STK3: variants seen among roughly 807,000 people sequenced by gnomAD.
STK3 encodes the protein serine/threonine-protein kinase 3.
A neutral mutation model predicts 58.0 loss-of-function variants in STK3; 41 were observed. The ratio of observed to expected loss-of-function variants is 0.71; its 90% CI spans 0.55 to 0.92. STK3 has a LOEUF of 0.92. STK3 is among the 40% of genes least tolerant of loss of function. The pLI is 0.00. For missense variants in STK3, 479 were observed against 602.7 expected (o/e 0.79, Z 2.15); for synonymous variants, 170 against 191.0 (o/e 0.89, Z 0.91).
intron 4 of STK3, among the ~76,000 whole-genome samples, chr8:98,748,878 T>C (rs1297905596): frequency 6.6e-6 from 1 of 151,878 alleles, no homozygotes; most frequent in South Asian, 2.1e-4. Flanking sequence ...TCTTCAAATA[T>C]TCCAGCCATA....
At chr8:98,571,202 C>G (rs543729463) in intron 8 of STK3, among the ~76,000 whole-genome samples, 2 of 152,082 alleles carry the variant, frequency 1.3e-5, no homozygotes, top group African/African-American at 4.8e-5. Context: ...TGGTGGCACA[C>G]GCCTGTAACC....
At chr8:98,743,608 G>A (rs1297945578) in intron 4 of STK3, among the ~76,000 whole-genome samples, 17 of 152,088 alleles carry the variant, frequency 1.1e-4, no homozygotes, top group African/African-American at 3.6e-4. Flanking sequence ...AGACTTAAAC[G>A]TTAGACCTAA....
intron 1 of STK3, chr8:98,437,388 C>T (rs1276440047): frequency 1.3e-5 from 2 of 152,254 alleles, no homozygotes; most frequent in Non-Finnish European, 2.9e-5. Flanking sequence ...GAGCCTGTGC[C>T]CTAGACTATT....
chr8:98,445,421 AATAAT>A (rs544177160), intron 1 of STK3, among the ~76,000 whole-genome samples: 1 of 152,196 alleles, frequency 6.6e-6, no homozygotes, highest in Non-Finnish European at 1.5e-5. Flanking sequence ...AATTAATTTT[AATAAT>A]ATATTTCCAC....
chr8:98,752,907 A>G (rs1396080176), intron 3 of STK3, among the ~76,000 whole-genome samples: 3 of 151,868 alleles, frequency 2.0e-5, no homozygotes, highest in Admixed American at 6.6e-5. Flanking sequence ...ACAATGAGAT[A>G]CCATGTTACA....
At chr8:98,839,990 T>C (rs1219529113) in intron 3 of STK3, among the ~76,000 whole-genome samples, 1 of 152,138 alleles carries the variant, frequency 6.6e-6, no homozygotes, top group Non-Finnish European at 1.5e-5. Flanking sequence ...GAGAAGGGTC[T>C]GAACACCACA....
intron 6 of STK3, among the ~76,000 whole-genome samples, chr8:98,658,505 C>T (rs1173142798): frequency 6.6e-6 from 1 of 151,984 alleles, no homozygotes; most frequent in Non-Finnish European, 1.5e-5. Flanking sequence ...AGTTAAGAAC[C>T]TTACTCCCTT....
At chr8:98,562,861 T>G (rs1330755219) in intron 8 of STK3, among the ~76,000 whole-genome samples, 1 of 150,504 alleles carries the variant, frequency 6.6e-6, no homozygotes, top group Non-Finnish European at 1.5e-5. Flanking sequence ...GTGAGCTATG[T>G]TTGTGCCACT....
chr8:98,654,001 G>T (rs1372455941), intron 6 of STK3, among the ~76,000 whole-genome samples: 2 of 152,164 alleles, frequency 1.3e-5, no homozygotes, highest in East Asian at 3.8e-4. Context: ...GCATCATCCT[G>T]ATACCAAAGC....
intron 1 of STK3, among the ~76,000 whole-genome samples, chr8:98,912,550 G>T (rs1427155529): frequency 6.6e-6 from 1 of 152,140 alleles, no homozygotes; most frequent in African/African-American, 2.4e-5. Context: ...TCTTCATAGG[G>T]ATGGAACGTG....
At chr8:98,486,919 T>TA (rs1186235261) in intron 10 of STK3, among the ~76,000 whole-genome samples, 1 of 152,188 alleles carries the variant, frequency 6.6e-6, no homozygotes, top group East Asian at 1.9e-4. Context: ...CTTCAAGCAA[T>TA]ACATAGGCTT....
rs980907784 is a variant in STK3 at position 98,762,073 on chromosome 8, T to C, written c.236+5170A>G. 2.5e-4 allele frequency among the ~76,000 whole-genome samples: 38 copies of C among 152,228 alleles called. No individual in the cohort carries two copies. In the East Asian group the frequency reaches 3.7e-3, roughly 15 times the overall value. On this transcript the variant is annotated intron_variant, in intron 3 of 10. Coordinates refer to ENST00000419617, the MANE Select transcript of STK3 (RefSeq NM_006281.4). Reference sequence around the variant, plus strand: ...TGAGGTATGACCTCCCTGGGAAAACTTTCCCTGAACCTCCAAACATGAGGT... The same window carrying C: ...TGAGGTATGACCTCCCTGGGAAAACCTTCCCTGAACCTCCAAACATGAGGT...
At chr8:98,705,173 C>A (rs1825878461) in intron 6 of STK3, among the ~76,000 whole-genome samples, 1 of 152,174 alleles carries the variant, frequency 6.6e-6, no homozygotes, top group Non-Finnish European at 1.5e-5. Flanking sequence ...GTAATCCCAG[C>A]ACTTTGGGAA....
At chr8:98,575,507 T>C (rs1035990126) in intron 8 of STK3, among the ~76,000 whole-genome samples, 4 of 151,276 alleles carry the variant, frequency 2.6e-5, no homozygotes, top group Admixed American at 1.3e-4. Context: ...CATTAAGGAG[T>C]TGCTCTCCAT....
Position 98,767,247 on chromosome 8 carries a change from C to G in STK3, c.232G>C (p.Asp78His). ...IKEISIMQQC[D>H]SPYVVKYYGS... ...AGAAATAAAATCTCTTCATACCTGT[C>G]ACATTGCTGCATTATGGAAATTTCT... is the stretch of plus-strand genomic sequence containing the variant. The change falls in exon 3 of 11, where the codon GAC becomes CAC. Residue 78 changes from aspartate (D) to histidine (H), a missense_variant. By Grantham distance (81) the Asp-to-His change is moderately conservative. Around this residue, in one of 3 missense-constraint regions of STK3, gnomAD observed 126 missense variants for 210.1 expected, o/e 0.60. Transcript: ENST00000419617. 6.2e-7 allele frequency: 1 copy of G among 1,604,990 alleles called. No homozygotes were observed. The highest frequency in any genetic ancestry group is 8.5e-7 in the Non-Finnish European group (1 of 1,177,814).
In STK3 at chr8:98,496,954, TG is replaced by T. The variant is rs1338972117; in HGVS notation, c.1317+29787del. 9.9e-5 allele frequency among the ~76,000 whole-genome samples: 15 copies of T among 151,876 alleles called. No individual in the cohort carries two copies. In the East Asian group the frequency reaches 2.3e-3, roughly 24 times the overall value. Reference sequence around the variant, plus strand: ...AAAATGATGAAAATGGCAAATTTTATGGTTTTTTTTAACCAAAATAAAAAAA... The same window carrying T: ...AAAATGATGAAAATGGCAAATTTTATGTTTTTTTTAACCAAAATAAAAAAA... On this transcript the variant is annotated intron_variant, in intron 10 of 10. Transcript: ENST00000419617.
At chr8:98,642,858 C>G (rs1438490453) in intron 6 of STK3, among the ~76,000 whole-genome samples, 1 of 152,196 alleles carries the variant, frequency 6.6e-6, no homozygotes. Context: ...GACATCCAAA[C>G]TGTTTAAATC....
intron 10 of STK3, among the ~76,000 whole-genome samples, chr8:98,511,166 A>C (rs1243442808): frequency 6.6e-6 from 1 of 152,028 alleles, no homozygotes; most frequent in Non-Finnish European, 1.5e-5. Context: ...AATTAAAACA[A>C]AAGTGGTTCT....
intron 3 of STK3, among the ~76,000 whole-genome samples, chr8:98,766,865 G>A (rs1348736425): frequency 6.6e-6 from 1 of 152,238 alleles, no homozygotes; most frequent in Non-Finnish European, 1.5e-5. Flanking sequence ...GCTCACGCCT[G>A]TAATCCCAGC....
Sources: gnomAD v4.1 joint callset for allele counts (sites outside exome capture counted in the v4.1 genomes callset) on GRCh38, gnomAD v4.1.1 for gene constraint, gnomAD v4.1.1 regional missense constraint, MANE v1.5 for transcripts, NCBI Gene and HGNC (gene_info 2026-07-23, HGNC 2026-07-21) for gene names.